SRL: variants seen among roughly 807,000 people sequenced by gnomAD.
The protein encoded by SRL is sarcalumenin.
A neutral mutation model predicts 39.5 loss-of-function variants in SRL; 23 were observed. That is an observed-to-expected ratio of 0.58 (90% CI 0.42 to 0.82). SRL has a LOEUF of 0.82. SRL is among the 40% of genes least tolerant of loss of function. SRL has a pLI of 0.00. For synonymous variants in SRL, 272 were observed against 237.4 expected (o/e 1.15, Z -1.34); for missense variants, 592 against 607.8 (o/e 0.97, Z 0.27).
chr16:4,223,321 C>G (rs2052551631), intron 1 of SRL, among the ~76,000 whole-genome samples: 2 of 151,696 alleles, frequency 1.3e-5, no homozygotes, highest in African/African-American at 4.8e-5. Context: ...AGTACCATTC[C>G]TAGGCCTATT....
In SRL at chr16:4,204,628, G is replaced by C. The variant is rs199775931; in HGVS notation, c.68C>G (p.Thr23Arg). The part of the protein sequence containing the change: ...SLLFSGQAEE[T>R]EDANEEAPLR... ...TGGGGCTTCTTCATTTGCATCCTCC[G>C]TCTCTTCTGTGGAGAGAAGCAGACA... Residue 23 changes from threonine (T) to arginine (R), a missense_variant, in exon 2 of 6, where the codon ACG (threonine) becomes AGG (arginine). Thr to Arg is a moderately conservative substitution (Grantham distance 71). Transcript: ENST00000399609. The C allele has an allele frequency of 6.2e-7, 1 of 1,613,768 alleles. No individual in the cohort carries two copies. Among genetic ancestry groups the C allele is most frequent in the East Asian group, 2.2e-5 (1 of 44,876 alleles).
At position 4,192,878 on chromosome 16, in the gene SRL, C is replaced by A. The variant is rs372227797; in HGVS notation, c.697G>T (p.Gly233Cys). ...CGGAAGAGCATCTCCAGCTCTAGAC[C>A]CACATCCAGCTTTGTTGGGTCAAAG... The part of the protein sequence containing the change: ...VVFDPTKLDV[G>C]LELEMLFRQL... Residue 233 changes from glycine (G) to cysteine (C), a missense_variant, in exon 6 of 6, where the codon GGT becomes TGT. Physicochemically the swap from Gly to Cys is radical, Grantham distance 159. Transcript: ENST00000399609. This position sits in a 1 kb window ranked among gnomAD's most constrained non-coding sequence, Gnocchi z 4.0. 7.4e-6 allele frequency: 12 copies of A among 1,614,038 alleles called. No individual in the cohort carries two copies. Among genetic ancestry groups the A allele is most frequent in the Non-Finnish European group, 1.0e-5 (12 of 1,180,048 alleles).
chr16:4,196,740 A>G (rs1308740525), intron 4 of SRL, among the ~76,000 whole-genome samples: 1 of 152,024 alleles, frequency 6.6e-6, no homozygotes, highest in African/African-American at 2.4e-5. Context: ...CGGCCTCCCA[A>G]AGTGCTGGGA....
chr16:4,225,456 C>A (rs2141060279), intron 1 of SRL, among the ~76,000 whole-genome samples: 1 of 152,020 alleles, frequency 6.6e-6, no homozygotes, highest in Middle Eastern at 3.4e-3. Context: ...TGGTGGTGTG[C>A]ACCTATAGTG....
At chr16:4,196,450 C>CT (rs1413597847) in intron 4 of SRL, among the ~76,000 whole-genome samples, 3 of 150,104 alleles carry the variant, frequency 2.0e-5, no homozygotes, top group Non-Finnish European at 4.4e-5. Context: ...ACTCTGGCGT[C>CT]TCTCTCTCTG....
intron 1 of SRL, among the ~76,000 whole-genome samples, chr16:4,215,599 G>A (rs1056240036): frequency 1.6e-4 from 24 of 152,136 alleles, no homozygotes; most frequent in Non-Finnish European, 2.5e-4. Context: ...CTCTATGGAC[G>A]CTCTCCCAGC....
chr16:4,213,400 T>C (rs961972704), intron 1 of SRL, among the ~76,000 whole-genome samples: 1 of 125,524 alleles, frequency 8.0e-6, no homozygotes, highest in African/African-American at 3.9e-5. Flanking sequence ...TTCTTTTTCT[T>C]TTTCTTTTTT....
At chr16:4,204,225 C>T (rs1055935819) in intron 2 of SRL, among the ~76,000 whole-genome samples, 11 of 152,224 alleles carry the variant, frequency 7.2e-5, no homozygotes, top group Non-Finnish European at 1.3e-4. Context: ...AGGGAGATGG[C>T]ATCAGCACAG....
chr16:4,195,800 G>C lies in SRL; in HGVS notation c.377-14C>G. On this transcript the variant is annotated splice_polypyrimidine_tract_variant and intron_variant, in intron 4 of 5. Transcript: ENST00000399609. ...TGGGTTCAGCGCCTGGGCACACGGG[G>C]TGAGAGGTGAAGGAATACATGATCT... The C allele has an allele frequency of 6.2e-7, 1 of 1,603,546 alleles. No homozygotes were observed. Among genetic ancestry groups the C allele is most frequent in the Non-Finnish European group, 8.5e-7 (1 of 1,172,134 alleles).
At chr16:4,225,713 C>T (rs2052580346) in intron 1 of SRL, among the ~76,000 whole-genome samples, 1 of 152,152 alleles carries the variant, frequency 6.6e-6, no homozygotes, top group Non-Finnish European at 1.5e-5. Context: ...CTGTCATCTC[C>T]CACCTGGATT....
At chr16:4,239,338 G>A (rs79524770) in intron 1 of SRL, among the ~76,000 whole-genome samples, 2,834 of 152,302 alleles carry the variant, frequency 0.019, 94 homozygotes, top group African/African-American at 0.065. Context: ...TGGGGCCAGG[G>A]CAGATGGGCA....
chr16:4,215,010 C>T (rs1227460244), intron 1 of SRL, among the ~76,000 whole-genome samples: 1 of 152,136 alleles, frequency 6.6e-6, no homozygotes. Context: ...TCAGGTGATC[C>T]ACCCGCCTCA....
intron 3 of SRL, among the ~76,000 whole-genome samples, chr16:4,201,707 G>A (rs200847428): frequency 2.2e-5 from 3 of 137,532 alleles, no homozygotes; most frequent in Non-Finnish European, 4.6e-5. Context: ...CCAGGCTGGA[G>A]TGCAGTGGCA....
At chr16:4,206,315 C>T (rs929660341) in intron 1 of SRL, among the ~76,000 whole-genome samples, 1 of 152,172 alleles carries the variant, frequency 6.6e-6, no homozygotes, top group Non-Finnish European at 1.5e-5. Context: ...CAAGGGGAGA[C>T]CCCAGTCCTA....
intron 1 of SRL, among the ~76,000 whole-genome samples, chr16:4,210,703 G>A (rs1187819788): frequency 6.6e-6 from 1 of 152,020 alleles, no homozygotes; most frequent in East Asian, 1.9e-4. Flanking sequence ...GGCTGGTCTT[G>A]AACTCCTGAT....
At chr16:4,234,030 T>G (rs1380843258) in intron 1 of SRL, among the ~76,000 whole-genome samples, 1 of 152,158 alleles carries the variant, frequency 6.6e-6, no homozygotes, top group Non-Finnish European at 1.5e-5. Flanking sequence ...GGTCTCGCTC[T>G]GTTGCCCAGG....
chr16:4,204,888 A>G (rs2052299011), intron 1 of SRL, among the ~76,000 whole-genome samples: 1 of 152,190 alleles, frequency 6.6e-6, no homozygotes, highest in Non-Finnish European at 1.5e-5. Context: ...TATTTATTTC[A>G]TATATTCAAC....
rs1260384681 is a variant in SRL, at chr16:4,197,130, G to A, written c.376+669C>T. ...GTCGCCCAGGCTGGAGTGCAGTGGC[G>A]CGATTTTGGCTCACTGCAACCTCTG... On this transcript the variant is annotated intron_variant, in intron 4 of 5. Coordinates refer to ENST00000399609, the MANE Select transcript of SRL (RefSeq NM_001098814.2). 6.6e-5 allele frequency among the ~76,000 whole-genome samples: 9 copies of A among 136,288 alleles called. No homozygotes were observed. The South Asian group carries it at 7.1e-4, about 11-fold the overall frequency. The allele number at this position is 136,288 out of a possible 152,430, so 89.4% of individuals were successfully genotyped here.
chr16:4,212,645 C>G (rs1459294061), intron 1 of SRL, among the ~76,000 whole-genome samples: 1 of 152,224 alleles, frequency 6.6e-6, no homozygotes, highest in Non-Finnish European at 1.5e-5. Context: ...CCCCCCGACT[C>G]CGGCCAGGCC....
Sources: gnomAD v4.1 joint callset for allele counts (sites outside exome capture counted in the v4.1 genomes callset) on GRCh38, gnomAD v4.1.1 for gene constraint, Gnocchi (gnomAD v3.1) non-coding constraint, MANE v1.5 for transcripts, NCBI Gene and HGNC (gene_info 2026-07-23, HGNC 2026-07-21) for gene names.